FGGY: variants seen among roughly 807,000 people sequenced by gnomAD.
FGGY encodes the protein FGGY carbohydrate kinase domain-containing protein.
Under a neutral mutation model 71.3 loss-of-function variants are expected in FGGY, and 72 were observed. The ratio of observed to expected loss-of-function variants is 1.01; its 90% CI spans 0.84 to 1.23. The LOEUF is 1.23. Ranked by LOEUF, FGGY falls within the 50% of genes most tolerant of loss-of-function variation. The pLI is 0.00. For synonymous variants in FGGY, 251 were observed against 250.3 expected, an observed-to-expected ratio of 1.00 and a Z score of -0.02; for missense variants, 668 against 682.3, an observed-to-expected ratio of 0.98 and a Z score of 0.23.
At chr1:59,410,065 G>A (rs1431925001) in intron 5 of FGGY, among the ~76,000 whole-genome samples, 1 of 152,178 alleles carries the variant, frequency 6.6e-6, no homozygotes, top group Non-Finnish European at 1.5e-5. Context: ...CTTATTAAGA[G>A]GAAGGCCATT....
intron 5 of FGGY, among the ~76,000 whole-genome samples, chr1:59,392,800 T>C (rs1005323503): frequency 1.3e-5 from 2 of 152,190 alleles, no homozygotes; most frequent in Non-Finnish European, 2.9e-5. Flanking sequence ...AGAGAATTCT[T>C]ACATGTTATT....
At chr1:59,403,560 C>T (rs1447684699) in intron 5 of FGGY, among the ~76,000 whole-genome samples, 1 of 152,146 alleles carries the variant, frequency 6.6e-6, no homozygotes, top group East Asian at 1.9e-4. Context: ...TGAACTCGGA[C>T]TTGAAGGATG....
rs1201222996 is a variant in FGGY, at chr1:59,329,940, G to T, written c.201+8190G>T. Among the ~76,000 whole-genome samples, 4 of 152,120 alleles carry T rather than the reference G, an allele frequency of 2.6e-5. No individual in the cohort carries two copies. In the South Asian group the frequency reaches 6.2e-4, roughly 24 times the overall value. On this transcript the variant is annotated intron_variant, in intron 2 of 15. Transcript: ENST00000303721. ...TTCATTATTGTAGAAAGTTCCATTG[G>T]ATAGTGCTGCCCCAAACCTTAATTC...
At chr1:59,739,835 G>A (rs1046027469) in intron 14 of FGGY, among the ~76,000 whole-genome samples, 2 of 152,160 alleles carry the variant, frequency 1.3e-5, no homozygotes, top group African/African-American at 4.8e-5. Context: ...CAACCATAAG[G>A]CAGGCTTCTA....
rs557768458 is a variant in FGGY at position 59,533,545 on chromosome 1, G to A, written c.800-20579G>A. ...GCCTCTGTAGGCTCCACCTCTGGGGGCAGGGAACAGACAAAAAGACAGCAG... is the reference window on the plus strand; with the variant it reads ...GCCTCTGTAGGCTCCACCTCTGGGGACAGGGAACAGACAAAAAGACAGCAG... On this transcript the variant is annotated intron_variant, in intron 7 of 15. Transcript: ENST00000303721. Among the ~76,000 whole-genome samples the A allele has an allele frequency of 2.4e-4, 36 of 147,570 alleles. 1 individual carries two copies. Among genetic ancestry groups the A allele is most frequent in the African/African-American group, 9.0e-4 (35 of 38,898 alleles).
At chr1:59,398,464 C>A (rs1042362844) in intron 5 of FGGY, among the ~76,000 whole-genome samples, 13 of 152,162 alleles carry the variant, frequency 8.5e-5, no homozygotes, top group Non-Finnish European at 1.8e-4. Context: ...GTCTTGAACT[C>A]CTAACCTCAA....
At chr1:59,301,924 A>T (rs896333311) in intron 1 of FGGY, among the ~76,000 whole-genome samples, 3 of 145,386 alleles carry the variant, frequency 2.1e-5, no homozygotes, top group African/African-American at 5.1e-5. Context: ...TTAAGTAGAG[A>T]TGGGGTTTCT....
At chr1:59,300,262 C>A (rs562748115) in intron 1 of FGGY, among the ~76,000 whole-genome samples, 1 of 152,220 alleles carries the variant, frequency 6.6e-6, no homozygotes, top group South Asian at 2.1e-4. Flanking sequence ...TTGCTTGTGC[C>A]CTTTTTAATT....
At chr1:59,553,670 A>G (rs12726523) in intron 7 of FGGY, among the ~76,000 whole-genome samples, 2 of 152,100 alleles carry the variant, frequency 1.3e-5, no homozygotes, top group Admixed American at 6.5e-5. Flanking sequence ...ACCAGATTCC[A>G]TTTGGCTCCG....
intron 6 of FGGY, among the ~76,000 whole-genome samples, chr1:59,458,153 A>G (rs2091891280): frequency 6.6e-6 from 1 of 152,224 alleles, no homozygotes; most frequent in South Asian, 2.1e-4. Flanking sequence ...GGTTTAAGTG[A>G]TTTGTAAAAT....
chr1:59,478,364 A>G (rs750301431), intron 6 of FGGY, among the ~76,000 whole-genome samples: 14 of 152,220 alleles, frequency 9.2e-5, no homozygotes, highest in East Asian at 1.9e-4. Flanking sequence ...TTTATAAACT[A>G]TGGTATAAAG....
intron 6 of FGGY, among the ~76,000 whole-genome samples, chr1:59,498,520 C>T (rs1327060219): frequency 6.6e-6 from 1 of 152,106 alleles, no homozygotes; most frequent in Non-Finnish European, 1.5e-5. Context: ...CTAGGTGACT[C>T]TAATGCAGGG....
At chr1:59,627,318 G>T (rs2096866198) in intron 10 of FGGY, among the ~76,000 whole-genome samples, 1 of 151,478 alleles carries the variant, frequency 6.6e-6, no homozygotes, top group Non-Finnish European at 1.5e-5. Flanking sequence ...GTTAGCTATA[G>T]TGACAACTCT....
intron 4 of FGGY, among the ~76,000 whole-genome samples, chr1:59,365,483 G>T (rs2056423549): frequency 6.6e-6 from 1 of 152,122 alleles, no homozygotes; most frequent in African/African-American, 2.4e-5. Context: ...CACCCACAAG[G>T]CATGGCTTGA....
intron 5 of FGGY, among the ~76,000 whole-genome samples, chr1:59,393,719 G>A (rs2060976184): frequency 6.6e-6 from 1 of 152,178 alleles, no homozygotes; most frequent in Non-Finnish European, 1.5e-5. Context: ...GGGATTGAAT[G>A]TGTTTTTTTG....
chr1:59,376,626 G>T (rs928643393), intron 4 of FGGY, among the ~76,000 whole-genome samples: 16 of 152,170 alleles, frequency 1.1e-4, no homozygotes, highest in African/African-American at 3.6e-4. Context: ...GAATTGGAAG[G>T]TGAAGCTGAG....
At chr1:59,546,492 GGATGATGATGATGATGAT>G (rs371455666) in intron 7 of FGGY, among the ~76,000 whole-genome samples, 3 of 115,402 alleles carry the variant, frequency 2.6e-5, no homozygotes, top group Non-Finnish European at 5.8e-5. Context: ...TTAAAGCATA[GGATGATGATGATGATGAT>G]GATGATGATG....
chr1:59,529,010 C>G (rs912386541), intron 7 of FGGY, among the ~76,000 whole-genome samples: 1 of 152,204 alleles, frequency 6.6e-6, no homozygotes, highest in Non-Finnish European at 1.5e-5. Context: ...AGCTGTCTGT[C>G]CCACTTAGAC....
chr1:59,302,841 C>CAA lies in FGGY; in HGVS notation c.-15+5698_-15+5699dup, dbSNP rs60758062. On this transcript the variant is annotated intron_variant, in intron 1 of 15. Transcript: ENST00000303721. ...TAAAAAATAAAGCCATTCACAATTC[C>CAA]AAAAAAAACCCCAAAAAACCCTGTT... 5.9e-5 allele frequency among the ~76,000 whole-genome samples: 9 copies of CAA among 151,534 alleles called. No homozygotes were observed. The East Asian group carries it at 1.6e-3, about 26-fold the overall frequency.
Sources: gnomAD v4.1 joint callset for allele counts (sites outside exome capture counted in the v4.1 genomes callset) on GRCh38, gnomAD v4.1.1 for gene constraint, MANE v1.5 for transcripts, NCBI Gene and HGNC (gene_info 2026-07-23, HGNC 2026-07-21) for gene names.